The following RBM38 variants were observed in gnomAD, a reference collection of about 807,000 sequenced individuals.
RBM38 encodes the protein RNA-binding protein 38.
A neutral mutation model predicts 23.5 loss-of-function variants in RBM38; 11 were observed. That is an observed-to-expected ratio of 0.47 (90% CI 0.29 to 0.77). The LOEUF (loss-of-function observed/expected upper bound fraction) is 0.77. RBM38 is among the 30% of genes least tolerant of loss of function. The pLI is 0.08. For synonymous variants in RBM38, 165 were observed against 166.1 expected (o/e 0.99, Z 0.05); for missense variants, 330 against 351.9 (o/e 0.94, Z 0.50).
intron 3 of RBM38, among the ~76,000 whole-genome samples, chr20:57,401,525 G>A (rs572122915): frequency 4.6e-5 from 7 of 152,250 alleles, no homozygotes; most frequent in African/African-American, 9.6e-5. Flanking sequence ...CTGCAAAGCC[G>A]GGGCCTGCCT....
chr20:57,393,848 C>T (rs1379089548), intron 3 of RBM38, among the ~76,000 whole-genome samples: 1 of 152,142 alleles, frequency 6.6e-6, no homozygotes. Flanking sequence ...GTGGAGGCCA[C>T]CTGCCTGAGT....
In RBM38 at chr20:57,407,478, A is replaced by G. The variant is rs1431685989; in HGVS notation, c.417-65A>G. 2 of 1,541,120 alleles carry G rather than the reference A, an allele frequency of 1.3e-6. No homozygotes were observed. Among genetic ancestry groups the G allele is most frequent in the African/African-American group, 1.4e-5 (1 of 72,934 alleles). On this transcript the variant is annotated intron_variant, in intron 3 of 3. Coordinates refer to ENST00000356208, the MANE Select transcript of RBM38 (RefSeq NM_017495.6). The surrounding 1 kb of genome is among the most constrained non-coding windows in gnomAD (Gnocchi z 4.0). ...GGGGGCGGCACGCATCGTGTACCCC[A>G]CTGTTCTCCCAGCTGTATTCCCCAA... is the stretch of plus-strand genomic sequence containing the variant.
chr20:57,402,023 C>T (rs1280885633), intron 3 of RBM38, among the ~76,000 whole-genome samples: 1 of 152,180 alleles, frequency 6.6e-6, no homozygotes, highest in African/African-American at 2.4e-5. Context: ...TCTCAGCTCA[C>T]TGCAGCCTCC....
chr20:57,401,448 G>A (rs1253376278), intron 3 of RBM38, among the ~76,000 whole-genome samples: 1 of 152,200 alleles, frequency 6.6e-6, no homozygotes, highest in East Asian at 1.9e-4. Context: ...TGCCTTCTTG[G>A]GGCAGGGACT....
At chr20:57,402,631 C>T (rs913762850) in intron 3 of RBM38, among the ~76,000 whole-genome samples, 2 of 152,258 alleles carry the variant, frequency 1.3e-5, no homozygotes, top group African/African-American at 4.8e-5. Context: ...GCTTTCTGAG[C>T]ATGGCGTGTG....
At chr20:57,399,595 GT>G (rs2067307391) in intron 3 of RBM38, among the ~76,000 whole-genome samples, 2 of 152,242 alleles carry the variant, frequency 1.3e-5, no homozygotes, top group African/African-American at 4.8e-5. Flanking sequence ...AGGAGTTGGA[GT>G]TTGGGCCGGT....
intron 3 of RBM38, among the ~76,000 whole-genome samples, chr20:57,401,053 CG>C (rs1208499539): frequency 1.3e-5 from 2 of 152,202 alleles, no homozygotes; most frequent in Non-Finnish European, 2.9e-5. Flanking sequence ...TTGGGTCCCC[CG>C]ACCTTTGGGC....
At chr20:57,396,514 C>T (rs2067276214) in intron 3 of RBM38, among the ~76,000 whole-genome samples, 2 of 152,236 alleles carry the variant, frequency 1.3e-5, no homozygotes, top group South Asian at 2.1e-4. Flanking sequence ...GGACTAGCTG[C>T]ACCCAGAGCC....
chr20:57,393,361 G>GGTA (rs766420101), intron 3 of RBM38, 28 bp downstream of exon 3: 1 of 1,610,516 alleles, frequency 6.2e-7, no homozygotes, highest in Non-Finnish European at 8.5e-7. Context: ...GCTTGGGGTG[G>GGTA]GTAGTCCGTG....
chr20:57,392,469 G>A (rs1301826315), intron 1 of RBM38, 185 bp from the exon 2 acceptor site: 3 of 1,533,578 alleles, frequency 2.0e-6, no homozygotes, highest in African/African-American at 1.4e-5. Flanking sequence ...GAATCCAGGA[G>A]GCATCTTTGT....
At chr20:57,399,902 T>A (rs1418266252) in intron 3 of RBM38, 1 of 456,328 alleles carries the variant, frequency 2.2e-6, no homozygotes, top group East Asian at 6.9e-5. Context: ...AATGGGCTCA[T>A]TTGCCTTTTT....
At chr20:57,392,069 G>A (rs1324146791) in intron 1 of RBM38, among the ~76,000 whole-genome samples, 2 of 114,178 alleles carry the variant, frequency 1.8e-5, no homozygotes, top group African/African-American at 3.0e-5. Flanking sequence ...AAGAGCCGCT[G>A]TGTTCAATTA....
chr20:57,398,625 C>T (rs911355640), intron 3 of RBM38, among the ~76,000 whole-genome samples: 1 of 152,258 alleles, frequency 6.6e-6, no homozygotes, highest in Non-Finnish European at 1.5e-5. Flanking sequence ...CCCTCCTGGG[C>T]GGGCGCCCGT....
chr20:57,407,448 G>T lies in RBM38; in HGVS notation c.417-95G>T. On this transcript the variant is annotated intron_variant, in intron 3 of 3. Transcript: ENST00000356208. This position sits in a 1 kb window ranked among gnomAD's most constrained non-coding sequence, Gnocchi z 4.0. ...GACCGATGAGGAAAGTCGGGGCTCGGGGTGGGGGGCGGCACGCATCGTGTA... is the reference window on the plus strand; with the variant it reads ...GACCGATGAGGAAAGTCGGGGCTCGTGGTGGGGGGCGGCACGCATCGTGTA... The T allele has an allele frequency of 1.4e-6, 2 of 1,380,932 alleles. No homozygotes were observed. The highest frequency in any genetic ancestry group is 2.7e-5 in the South Asian group (2 of 73,348). The allele number at this position is 1,380,932 out of a possible 1,614,324, so 85.5% of individuals were successfully genotyped here.
chr20:57,392,878 G>A, intron 2 of RBM38, 101 bp downstream of exon 2: 1 of 1,486,744 alleles, frequency 6.7e-7, no homozygotes, highest in Non-Finnish European at 9.1e-7. Context: ...CCCAGCAGTG[G>A]CAGTCGGCTA....
At chr20:57,398,694 G>A (rs1161548245) in intron 3 of RBM38, among the ~76,000 whole-genome samples, 1 of 152,242 alleles carries the variant, frequency 6.6e-6, no homozygotes, top group East Asian at 1.9e-4. Flanking sequence ...GGTGGCGGGG[G>A]CTCTTCTCCG....
chr20:57,392,731 C>A lies in RBM38; in HGVS notation c.315C>A (p.Asn105Lys), dbSNP rs907872399. 7 of 1,613,022 alleles carry A rather than the reference C, an allele frequency of 4.3e-6. No individual in the cohort carries two copies. The highest frequency in any genetic ancestry group is 5.1e-6 in the Non-Finnish European group (6 of 1,179,848). ...CCATCATCGACGGCCGCAAGGCCAA[C>A]GTGAACCTGGCATATCTGGGCGCCA... ...PNPIIDGRKA[N>K]VNLAYLGAKP... Residue 105 changes from asparagine to lysine, a missense_variant, in exon 2 of 4, where the codon AAC becomes AAA. Physicochemically the swap from Asn to Lys is moderately conservative, Grantham distance 94 (BLOSUM62 0). Around this residue, in one of 3 missense-constraint regions of RBM38, gnomAD observed 227 missense variants for 216.4 expected, o/e 1.05. Coordinates refer to ENST00000356208, the MANE Select transcript of RBM38 (RefSeq NM_017495.6).
chr20:57,392,002 C>T, intron 1 of RBM38, among the ~76,000 whole-genome samples, 184 bp downstream of exon 1: 1 of 108,764 alleles, frequency 9.2e-6, no homozygotes, highest in South Asian at 3.0e-4. Flanking sequence ...CCCCACCACC[C>T]CAGGCCCCGG....
chr20:57,391,740 C>T lies in RBM38; in HGVS notation c.159C>T (p.Tyr53=). The T allele has an allele frequency of 1.3e-6, 2 of 1,566,846 alleles. No homozygotes were observed. The highest frequency in any genetic ancestry group is 1.4e-5 in the African/African-American group (1 of 72,138). ...YHTTDASLRK[Y]FEGFGDIEEA... is the part of the protein sequence containing the mutation. ...CTACCGACGCCTCGCTCAGGAAGTA[C>T]TTCGAGGGCTTCGGCGACATCGAGG... The change falls in exon 1 of 4, where the codon TAC becomes TAT. Residue 53 remains tyrosine, a synonymous_variant. Transcript: ENST00000356208.
Sources: allele counts gnomAD v4.1 joint callset (sites outside exome capture counted in the v4.1 genomes callset), GRCh38; gene constraint gnomAD v4.1.1; regional missense constraint gnomAD v4.1.1; non-coding constraint Gnocchi (gnomAD v3.1); transcripts MANE v1.5; gene names NCBI Gene and HGNC (gene_info 2026-07-23, HGNC 2026-07-21).